CTNND2: variants seen among roughly 807,000 people sequenced by gnomAD.
CTNND2 encodes catenin delta-2.
In CTNND2, 22 loss-of-function variants were observed where a neutral mutation model predicts 144.4. The ratio of observed to expected loss-of-function variants is 0.15; its 90% CI spans 0.11 to 0.22. CTNND2 has a LOEUF of 0.22. Ranked by LOEUF, CTNND2 falls within the 10% of genes least tolerant of loss-of-function variation. The probability of loss-of-function intolerance (pLI) is 1.00; values close to 1 mark genes in which losing one functional copy is unlikely to be tolerated. For missense variants in CTNND2, 1,353 were observed against 1,618.8 expected (o/e 0.84, Z 2.82); for synonymous variants, 751 against 695.6 (o/e 1.08, Z -1.25).
intron 1 of CTNND2, among the ~76,000 whole-genome samples, chr5:11,848,620 C>T (rs1794861389): frequency 6.6e-6 from 1 of 152,092 alleles, no homozygotes; most frequent in Admixed American, 6.6e-5. Context: ...TGCACAAACC[C>T]TTCATGAATG....
chr5:11,529,692 C>G (rs1773566174), intron 3 of CTNND2, among the ~76,000 whole-genome samples: 1 of 152,090 alleles, frequency 6.6e-6, no homozygotes, highest in African/African-American at 2.4e-5. Context: ...CAAGATTATG[C>G]AGATAGTTTA....
intron 3 of CTNND2, among the ~76,000 whole-genome samples, chr5:11,536,572 G>A (rs560586626): frequency 5.4e-4 from 82 of 152,262 alleles, no homozygotes; most frequent in African/African-American, 1.5e-3. Context: ...AATGGTATTC[G>A]TAGCAACCTG....
chr5:11,716,840 T>A (rs7723112), intron 2 of CTNND2, among the ~76,000 whole-genome samples: 1 of 151,440 alleles, frequency 6.6e-6, no homozygotes, highest in Non-Finnish European at 1.5e-5. Context: ...GTGTCCATCA[T>A]CATGCCCAGC....
chr5:11,029,409 G>A lies in CTNND2; in HGVS notation c.2789-6430C>T, dbSNP rs536670993. Among the ~76,000 whole-genome samples, 53 of 152,194 alleles carry A rather than the reference G, an allele frequency of 3.5e-4. 1 individual carries two copies. The highest frequency in any genetic ancestry group is 5.2e-4 in the Admixed American group (8 of 15,272). The stretch of plus-strand genomic sequence containing the variant: ...CTTTGTGTTGATTGTTTTCTGTAGT[G>A]AAATGTTTTAATTTCCTTATTTTCT... On this transcript the variant is annotated intron_variant, in intron 16 of 21. Transcript: ENST00000304623.
intron 2 of CTNND2, among the ~76,000 whole-genome samples, chr5:11,677,774 T>C (rs1784242708): frequency 6.6e-6 from 1 of 152,148 alleles, no homozygotes; most frequent in Non-Finnish European, 1.5e-5. Context: ...TTGTGTGTGG[T>C]TTCCACATAA....
chr5:11,665,455 T>C (rs926304037), intron 2 of CTNND2, among the ~76,000 whole-genome samples: 1 of 152,222 alleles, frequency 6.6e-6, no homozygotes, highest in Non-Finnish European at 1.5e-5. Context: ...GTATAAATCT[T>C]ACTACATTTT....
chr5:11,386,677 A>C (rs1026483891), intron 6 of CTNND2, among the ~76,000 whole-genome samples: 1 of 152,220 alleles, frequency 6.6e-6, no homozygotes, highest in African/African-American at 2.4e-5. Context: ...ACACACATGC[A>C]ATCCATAAAG....
chr5:11,368,449 G>A (rs144881464), intron 7 of CTNND2, among the ~76,000 whole-genome samples: 3 of 152,112 alleles, frequency 2.0e-5, no homozygotes, highest in Non-Finnish European at 4.4e-5. Flanking sequence ...AGGGAGGGAG[G>A]TATAGATTCT....
intron 9 of CTNND2, among the ~76,000 whole-genome samples, chr5:11,241,058 C>T (rs1306396298): frequency 6.7e-6 from 1 of 150,362 alleles, no homozygotes; most frequent in African/African-American, 2.4e-5. Context: ...ACACACACCA[C>T]ACACACCTAA....
At chr5:11,656,866 T>A (rs1782942292) in intron 2 of CTNND2, among the ~76,000 whole-genome samples, 1 of 152,110 alleles carries the variant, frequency 6.6e-6, no homozygotes, top group Non-Finnish European at 1.5e-5. Flanking sequence ...TACAATCACT[T>A]TCGGCCAGAT....
intron 2 of CTNND2, among the ~76,000 whole-genome samples, chr5:11,676,538 A>G (rs1385722015): frequency 1.3e-5 from 2 of 151,912 alleles, no homozygotes; most frequent in Non-Finnish European, 2.9e-5. Context: ...TAAGAACAGC[A>G]CTTAGCATAC....
At chr5:11,110,325 C>T (rs956393422) in intron 14 of CTNND2, among the ~76,000 whole-genome samples, 15 of 152,306 alleles carry the variant, frequency 9.8e-5, no homozygotes, top group African/African-American at 9.6e-5. Context: ...TTGTTCCCCA[C>T]GGCCAAGCTT....
At chr5:11,028,764 A>C (rs1035623561) in intron 16 of CTNND2, among the ~76,000 whole-genome samples, 1 of 152,074 alleles carries the variant, frequency 6.6e-6, no homozygotes, top group East Asian at 1.9e-4. Context: ...GGTGTAGTGC[A>C]CTGGTGCAAT....
At chr5:11,181,839 CAT>C (rs201814129) in intron 11 of CTNND2, among the ~76,000 whole-genome samples, 39,602 of 120,978 alleles carry the variant, frequency 0.33, 6,156 homozygotes, top group Middle Eastern at 0.41. Context: ...GTATGTGTGG[CAT>C]GTGTGTGTGG....
chr5:11,386,489 G>A (rs1169663664), intron 6 of CTNND2, among the ~76,000 whole-genome samples: 2 of 152,136 alleles, frequency 1.3e-5, no homozygotes, highest in Admixed American at 6.5e-5. Context: ...AATTTTATCT[G>A]GGATGTCAAG....
intron 3 of CTNND2, among the ~76,000 whole-genome samples, chr5:11,519,589 T>C (rs143467510): frequency 2.0e-5 from 3 of 152,128 alleles, no homozygotes; most frequent in Admixed American, 6.5e-5. Flanking sequence ...TCTGCATCTC[T>C]AGTTTCTCAA....
At chr5:11,686,673 G>A (rs923202929) in intron 2 of CTNND2, among the ~76,000 whole-genome samples, 3 of 151,302 alleles carry the variant, frequency 2.0e-5, no homozygotes, top group Non-Finnish European at 4.4e-5. Flanking sequence ...ATGTGAGCAT[G>A]TTAAAATATT....
At chr5:11,136,369 A>T (rs1038076815) in intron 12 of CTNND2, among the ~76,000 whole-genome samples, 1 of 152,208 alleles carries the variant, frequency 6.6e-6, no homozygotes, top group Non-Finnish European at 1.5e-5. Context: ...AAGAGTGAAA[A>T]AGGACTTTAT....
At chr5:11,789,640 C>G (rs1305411486) in intron 1 of CTNND2, among the ~76,000 whole-genome samples, 1 of 151,976 alleles carries the variant, frequency 6.6e-6, no homozygotes, top group Admixed American at 6.6e-5. Context: ...CAGTTACTCC[C>G]TTGGGTTTTC....
Sources: allele counts gnomAD v4.1 joint callset (sites outside exome capture counted in the v4.1 genomes callset), GRCh38; gene constraint gnomAD v4.1.1; transcripts MANE v1.5; gene names NCBI Gene and HGNC (gene_info 2026-07-23, HGNC 2026-07-21).